The following QSOX1 variants were observed in gnomAD, a reference collection of about 807,000 sequenced individuals.
QSOX1 encodes the protein quiescin sulfhydryl oxidase 1.
Under a neutral mutation model 76.1 loss-of-function variants are expected in QSOX1, and 40 were observed. The observed-to-expected ratio is 0.53, with a 90% CI of 0.41 to 0.68. The LOEUF is 0.68. Among genes scored for constraint, QSOX1 ranks in the 30% least tolerant of loss-of-function variants. The pLI is 0.00. For missense variants in QSOX1, 931 were observed against 974.3 expected (o/e 0.96, Z 0.59); for synonymous variants, 392 against 413.1 (o/e 0.95, Z 0.62).
chr1:180,180,674 C>T lies in QSOX1; in HGVS notation c.607-1500C>T, dbSNP rs1266942513. On this transcript the variant is annotated intron_variant, in intron 5 of 11. Coordinates refer to ENST00000367602, the MANE Select transcript of QSOX1 (RefSeq NM_002826.5). ...GGACTACAGGCGCCCGCCACCACAC[C>T]AGGCTAATTTTTTTATATTTTTAGT... Among the ~76,000 whole-genome samples, 5 of 152,212 alleles carry T rather than the reference C, an allele frequency of 3.3e-5. No homozygotes were observed. The East Asian group carries it at 9.6e-4, about 29-fold the overall frequency.
intron 1 of QSOX1, among the ~76,000 whole-genome samples, chr1:180,155,376 C>T (rs758085123): frequency 6.6e-5 from 10 of 152,090 alleles, no homozygotes; most frequent in Non-Finnish European, 1.3e-4. Context: ...TCCTCTTGGC[C>T]CTCATCCCGA....
intron 2 of QSOX1, among the ~76,000 whole-genome samples, chr1:180,171,261 A>G (rs969155515): frequency 2.0e-5 from 3 of 152,152 alleles, no homozygotes; most frequent in Admixed American, 2.0e-4. Flanking sequence ...GCAGGTGGAG[A>G]AGGAGAGGAC....
At chr1:180,165,401 G>A (rs899313362) in intron 1 of QSOX1, among the ~76,000 whole-genome samples, 1 of 152,244 alleles carries the variant, frequency 6.6e-6, no homozygotes, top group Admixed American at 6.5e-5. Context: ...TCCCAGTCTG[G>A]TCTCTTCTTG....
rs1053038214 is a variant in QSOX1, at chr1:180,198,306, A to C, written c.*1269A>C. 19 of 456,424 alleles carry C rather than the reference A, an allele frequency of 4.2e-5. No individual in the cohort carries two copies. In the Admixed American group the frequency reaches 4.5e-4, roughly 11 times the overall value. 28.3% of individuals were successfully genotyped at this position (456,424 alleles called of 1,614,324 possible). A position where few individuals can be genotyped will look rare whatever the true frequency, so the allele number is the denominator to read the frequency against. On this transcript the variant is annotated 3_prime_UTR_variant, in exon 12 of 12. Transcript: ENST00000367602. ...CAGTGCCCTGGGCTGGTGAGGGAGA[A>C]GCCTGTCTGCACCTGCCTAATTCCA... is the stretch of plus-strand genomic sequence containing the variant.
chr1:180,175,461 T>G, intron 3 of QSOX1, 95 bp downstream of exon 3: 1 of 1,359,280 alleles, frequency 7.4e-7, no homozygotes, highest in South Asian at 1.2e-5. Context: ...GCCCTGGCAG[T>G]CGGCAGGGTC....
chr1:180,156,885 G>T (rs1245010406), intron 1 of QSOX1, among the ~76,000 whole-genome samples: 1 of 152,156 alleles, frequency 6.6e-6, no homozygotes, highest in Non-Finnish European at 1.5e-5. Context: ...TCCACTTTGA[G>T]GTTATAAGAG....
chr1:180,191,049 C>T (rs1396963004), intron 10 of QSOX1, among the ~76,000 whole-genome samples: 1 of 152,188 alleles, frequency 6.6e-6, no homozygotes. Context: ...TGGGGAAACA[C>T]GTTTCCCCTG....
Position 180,202,375 on chromosome 1 carries a change from C to G in QSOX1, c.*5338C>G, listed in dbSNP as rs1016360492. 1 of 152,212 alleles carries G rather than the reference C, an allele frequency of 6.6e-6. No individual in the cohort carries two copies. The highest frequency in any genetic ancestry group is 1.5e-5 in the Non-Finnish European group (1 of 68,060). 9.4% of individuals were successfully genotyped at this position (152,212 alleles called of 1,614,324 possible). On this transcript the variant is annotated 3_prime_UTR_variant, in exon 12 of 12. Transcript: ENST00000367602. The stretch of plus-strand genomic sequence containing the variant: ...GCTGCCTATTAAACCTCCTGCCTCC[C>G]CTGCTGCAGTGCTTTGATGCCTTTC...
intron 5 of QSOX1, among the ~76,000 whole-genome samples, chr1:180,181,347 A>C (rs16855394): frequency 0.016 from 2,377 of 152,242 alleles, 77 homozygotes; most frequent in African/African-American, 0.054. Context: ...TTATGCTCAG[A>C]ACTTCTCTTC....
At chr1:180,190,697 A>C (rs1663287325) in intron 10 of QSOX1, 117 bp downstream of exon 10, 1 of 1,292,986 alleles carries the variant, frequency 7.7e-7, no homozygotes, top group African/African-American at 1.5e-5. Flanking sequence ...CAGCTGCCAG[A>C]AGATGGGGAG....
chr1:180,173,910 A>G (rs191723119), intron 2 of QSOX1, among the ~76,000 whole-genome samples: 7 of 152,230 alleles, frequency 4.6e-5, no homozygotes, highest in Non-Finnish European at 1.0e-4. Flanking sequence ...ATGAGAACAC[A>G]AAGGTTCGGA....
intron 1 of QSOX1, among the ~76,000 whole-genome samples, chr1:180,159,695 T>A (rs1662451079): frequency 6.6e-6 from 1 of 152,196 alleles, no homozygotes; most frequent in African/African-American, 2.4e-5. Flanking sequence ...TGTTTGAAGA[T>A]TTGACTGTTA....
intron 2 of QSOX1, among the ~76,000 whole-genome samples, chr1:180,169,982 G>C (rs149967638): frequency 6.6e-6 from 1 of 152,174 alleles, no homozygotes; most frequent in African/African-American, 2.4e-5. Flanking sequence ...GAATGTGGGC[G>C]GGCCTTATAG....
chr1:180,171,395 C>G (rs1443501823), intron 2 of QSOX1, among the ~76,000 whole-genome samples: 1 of 148,320 alleles, frequency 6.7e-6, no homozygotes, highest in Non-Finnish European at 1.5e-5. Context: ...GAGGTAAACA[C>G]AAGTGGCAAA....
chr1:180,178,507 C>T (rs551333698), intron 4 of QSOX1, among the ~76,000 whole-genome samples: 3 of 152,372 alleles, frequency 2.0e-5, no homozygotes, highest in East Asian at 1.9e-4. Flanking sequence ...GGATTACAGG[C>T]GTGAGCCACC....
chr1:180,197,595 G>T lies in QSOX1; in HGVS notation c.*558G>T. ...CCTCAGACCTCCTGGGTGGGGTTTG[G>T]CTTCAGGGTGGGGTTTGGAAGCTTC... On this transcript the variant is annotated 3_prime_UTR_variant, in exon 12 of 12. Transcript: ENST00000367602. 1 of 560,486 alleles carries T rather than the reference G, an allele frequency of 1.8e-6. No individual in the cohort carries two copies. Among genetic ancestry groups the T allele is most frequent in the Non-Finnish European group, 3.2e-6 (1 of 316,904 alleles). 34.7% of individuals were successfully genotyped at this position (560,486 alleles called of 1,614,324 possible).
At chr1:180,167,236 C>T (rs1192189691) in intron 2 of QSOX1, among the ~76,000 whole-genome samples, 1 of 152,234 alleles carries the variant, frequency 6.6e-6, no homozygotes, top group Non-Finnish European at 1.5e-5. Context: ...GGTGAGGGCC[C>T]TCCCCTGGGC....
Position 180,197,845 on chromosome 1 carries a change from A to G in QSOX1, c.*808A>G. 7.6e-6 allele frequency: 2 copies of G among 264,820 alleles called. No individual in the cohort carries two copies. The highest frequency in any genetic ancestry group is 4.0e-5 in the South Asian group (1 of 25,012). The allele number at this position is 264,820 out of a possible 1,614,324, so 16.4% of individuals were successfully genotyped here. A position where few individuals can be genotyped will look rare whatever the true frequency, so the allele number is the denominator to read the frequency against. On this transcript the variant is annotated 3_prime_UTR_variant, in exon 12 of 12. Transcript: ENST00000367602. ...TTGTCCTTTTTTATTTTGGTCTCCA[A>G]GATGAATGCTCATCTTTGGAGGGTG...
intron 1 of QSOX1, among the ~76,000 whole-genome samples, chr1:180,158,640 GCATAAACT>G (rs1404566756): frequency 2.0e-5 from 3 of 152,150 alleles, no homozygotes; most frequent in Non-Finnish European, 2.9e-5. Context: ...GCTGGACAGG[GCATAAACT>G]AACTCTCTGT....
Sources: gnomAD v4.1 joint callset for allele counts (sites outside exome capture counted in the v4.1 genomes callset) on GRCh38, gnomAD v4.1.1 for gene constraint, MANE v1.5 for transcripts, NCBI Gene and HGNC (gene_info 2026-07-23, HGNC 2026-07-21) for gene names.